Variants in PLEKHM3 observed in about 807,000 individuals in gnomAD.
The protein encoded by PLEKHM3 is pleckstrin homology domain-containing family M member 3.
In PLEKHM3, 45 loss-of-function variants were observed where a neutral mutation model predicts 81.8. The ratio of observed to expected loss-of-function variants is 0.55; its 90% CI spans 0.43 to 0.71. The LOEUF is 0.71. Ranked by LOEUF, PLEKHM3 falls within the 30% of genes least tolerant of loss-of-function variation. The pLI is 0.00. For missense variants in PLEKHM3, 788 were observed against 924.3 expected, an observed-to-expected ratio of 0.85 and a Z score of 1.91; for synonymous variants, 352 against 356.4, an observed-to-expected ratio of 0.99 and a Z score of 0.14.
chr2:207,955,469 T>C (rs1350434090), intron 3 of PLEKHM3, among the ~76,000 whole-genome samples: 1 of 152,238 alleles, frequency 6.6e-6, no homozygotes, highest in Non-Finnish European at 1.5e-5. Flanking sequence ...AAACACCTTA[T>C]GTAAGACAGG....
intron 3 of PLEKHM3, among the ~76,000 whole-genome samples, chr2:207,954,206 A>C (rs1368984204): frequency 6.6e-6 from 1 of 152,120 alleles, no homozygotes; most frequent in Non-Finnish European, 1.5e-5. Context: ...TTTCTAAAAA[A>C]TTAGCCAGGT....
In PLEKHM3 at chr2:207,976,292, G is replaced by A. The variant is rs1157666730; in HGVS notation, c.1546+359C>T. On this transcript the variant is annotated intron_variant, in intron 3 of 7. Coordinates refer to ENST00000427836, the MANE Select transcript of PLEKHM3 (RefSeq NM_001080475.3). This position sits in a 1 kb window ranked among gnomAD's most constrained non-coding sequence, Gnocchi z 4.1. ...GAATGTTTCTTATGAGACAATTTGT[G>A]ACATCCATATTCACAGTGACCTTTA... Among the ~76,000 whole-genome samples the A allele has an allele frequency of 6.6e-6, 1 of 152,178 alleles. No individual in the cohort carries two copies. The highest frequency in any genetic ancestry group is 1.5e-5 in the Non-Finnish European group (1 of 68,042).
In PLEKHM3 at chr2:207,933,229, T is replaced by C. The variant is rs547968138; in HGVS notation, c.1693-2110A>G. ...ATTCCTCACTTTTATTTTTGAGGCATCTATTAATAGACACAGGTACATGCC... is the reference window on the plus strand; with the variant it reads ...ATTCCTCACTTTTATTTTTGAGGCACCTATTAATAGACACAGGTACATGCC... On this transcript the variant is annotated intron_variant, in intron 4 of 7. Coordinates refer to ENST00000427836, the MANE Select transcript of PLEKHM3 (RefSeq NM_001080475.3). 3.7e-3 allele frequency among the ~76,000 whole-genome samples: 564 copies of C among 152,278 alleles called. 2 individuals are homozygous for C. The highest frequency in any genetic ancestry group is 0.013 in the African/African-American group (542 of 41,554).
At chr2:207,929,051 T>A (rs1259070580) in intron 5 of PLEKHM3, among the ~76,000 whole-genome samples, 2 of 152,176 alleles carry the variant, frequency 1.3e-5, no homozygotes, top group Non-Finnish European at 1.5e-5. Context: ...TATACATCCA[T>A]CCCTCCTTCC....
intron 6 of PLEKHM3, among the ~76,000 whole-genome samples, chr2:207,908,274 C>T (rs551383769): frequency 9.8e-5 from 15 of 152,300 alleles, no homozygotes; most frequent in African/African-American, 3.4e-4. Flanking sequence ...AAGTGGCTAA[C>T]GTACTTTGCA....
At chr2:207,858,164 GTGTGTGTGTGTA>G (rs978429933) in intron 7 of PLEKHM3, among the ~76,000 whole-genome samples, 1 of 104,462 alleles carries the variant, frequency 9.6e-6, no homozygotes, top group African/African-American at 4.0e-5. Context: ...GTGTGTGTGT[GTGTGTGTGTGTA>G]TATATTTTTT....
At chr2:208,012,648 C>T (rs1692742084) in intron 1 of PLEKHM3, among the ~76,000 whole-genome samples, 1 of 152,168 alleles carries the variant, frequency 6.6e-6, no homozygotes, top group African/African-American at 2.4e-5. Flanking sequence ...AAATTTATGA[C>T]ACCAGGAAAG....
At chr2:207,917,175 C>A (rs1689020491) in intron 5 of PLEKHM3, among the ~76,000 whole-genome samples, 1 of 152,244 alleles carries the variant, frequency 6.6e-6, no homozygotes, top group South Asian at 2.1e-4. Flanking sequence ...TCCTTTATTT[C>A]TGAGTCCTGA....
intron 2 of PLEKHM3, among the ~76,000 whole-genome samples, chr2:207,984,807 T>C (rs920777127): frequency 6.6e-6 from 1 of 152,234 alleles, no homozygotes; most frequent in Non-Finnish European, 1.5e-5. Flanking sequence ...ATGTATTTCT[T>C]GAAGAAGCTG....
At chr2:207,970,763 C>T (rs903595478) in intron 3 of PLEKHM3, among the ~76,000 whole-genome samples, 9 of 152,142 alleles carry the variant, frequency 5.9e-5, no homozygotes, top group East Asian at 1.9e-4. Context: ...GACACAATGC[C>T]GGTAATTACA....
intron 6 of PLEKHM3, among the ~76,000 whole-genome samples, chr2:207,865,790 AAAAAAAAAAAAAG>A (rs1267960880): frequency 1.7e-4 from 7 of 40,948 alleles, no homozygotes; most frequent in African/African-American, 7.0e-4. Context: ...TCAAAAAAAA[AAAAAAAAAAAAAG>A]ATATATATAT....
At chr2:207,979,536 G>GAAA (rs796407911) in intron 2 of PLEKHM3, among the ~76,000 whole-genome samples, 1 of 105,138 alleles carries the variant, frequency 9.5e-6, no homozygotes, top group Non-Finnish European at 2.0e-5. Flanking sequence ...CGCCGTCTCA[G>GAAA]AAAAAAAAAA....
At chr2:208,008,304 G>A (rs954392086) in intron 1 of PLEKHM3, among the ~76,000 whole-genome samples, 2 of 151,456 alleles carry the variant, frequency 1.3e-5, no homozygotes, top group Admixed American at 6.6e-5. Flanking sequence ...ATAAATACTT[G>A]TAGAAACTCT....
chr2:207,861,372 T>C, intron 6 of PLEKHM3, 110 bp from the exon 7 acceptor site: 1 of 1,228,500 alleles, frequency 8.1e-7, no homozygotes, highest in South Asian at 1.6e-5. Flanking sequence ...AAACCTCTAA[T>C]TATAATTTCT....
Position 207,949,432 on chromosome 2 carries a change from T to C in PLEKHM3, c.1547-2920A>G, listed in dbSNP as rs576087188. 5.8e-4 allele frequency among the ~76,000 whole-genome samples: 89 copies of C among 152,244 alleles called. No homozygotes were observed. In the Middle Eastern group the frequency reaches 0.014, roughly 23 times the overall value. Reference sequence around the variant, plus strand: ...GGCATGGGCCTGTAATCCCAGCTACTGGAAGGCTGAGGTGGGAGGAGCACT... The same window carrying C: ...GGCATGGGCCTGTAATCCCAGCTACCGGAAGGCTGAGGTGGGAGGAGCACT... On this transcript the variant is annotated intron_variant, in intron 3 of 7. Coordinates refer to ENST00000427836, the MANE Select transcript of PLEKHM3 (RefSeq NM_001080475.3).
At chr2:207,991,929 T>C (rs968958216) in intron 2 of PLEKHM3, among the ~76,000 whole-genome samples, 8 of 152,134 alleles carry the variant, frequency 5.3e-5, no homozygotes, top group Admixed American at 1.3e-4. Context: ...AAAAGAAAAA[T>C]TACAGTGATA....
intron 3 of PLEKHM3, among the ~76,000 whole-genome samples, chr2:207,973,259 G>C (rs776746139): frequency 6.6e-6 from 1 of 152,218 alleles, no homozygotes; most frequent in Non-Finnish European, 1.5e-5. Flanking sequence ...TAGATTAACT[G>C]TGTTTGTGAG....
chr2:207,900,168 T>C (rs950894040), intron 6 of PLEKHM3: 10 of 152,186 alleles, frequency 6.6e-5, no homozygotes, highest in Non-Finnish European at 8.8e-5. Context: ...CTAGCCTAGG[T>C]GAGAAGACTT....
chr2:207,924,097 G>T (rs1054692670), intron 5 of PLEKHM3, among the ~76,000 whole-genome samples: 1 of 150,450 alleles, frequency 6.6e-6, no homozygotes, highest in South Asian at 2.1e-4. Flanking sequence ...GTAGAGACAG[G>T]TTTCACCATG....
Sources: allele counts gnomAD v4.1 joint callset (sites outside exome capture counted in the v4.1 genomes callset), GRCh38; gene constraint gnomAD v4.1.1; non-coding constraint Gnocchi (gnomAD v3.1); transcripts MANE v1.5; gene names NCBI Gene and HGNC (gene_info 2026-07-23, HGNC 2026-07-21).